The following MYT1L variants were observed in gnomAD, a reference collection of about 807,000 sequenced individuals.
MYT1L encodes the protein myelin transcription factor 1 like, also known as myelin transcription factor 1-like protein.
Under a neutral mutation model 126.7 loss-of-function variants are expected in MYT1L, and 12 were observed. The observed-to-expected ratio is 0.09, with a 90% CI of 0.06 to 0.15. The LOEUF is 0.15. Ranked by LOEUF, MYT1L falls within the 10% of genes least tolerant of loss-of-function variation. The pLI, the probability that MYT1L is intolerant of heterozygous loss-of-function variation, is 1.00. For missense variants in MYT1L, 979 were observed against 1,585.2 expected, an observed-to-expected ratio of 0.62 and a Z score of 6.49; for synonymous variants, 541 against 604.2, an observed-to-expected ratio of 0.90 and a Z score of 1.53.
At chr2:1,837,879 TTC>T (rs759148940) in intron 21 of MYT1L, among the ~76,000 whole-genome samples, 19 of 145,950 alleles carry the variant, frequency 1.3e-4, no homozygotes, top group African/African-American at 2.2e-4. Flanking sequence ...GACATTCAAT[TTC>T]TCTCTCTCTT....
At chr2:2,279,342 T>C (rs2095412652) in intron 2 of MYT1L, among the ~76,000 whole-genome samples, 1 of 149,986 alleles carries the variant, frequency 6.7e-6, no homozygotes, top group South Asian at 2.1e-4. Context: ...CCTTCTTACA[T>C]ATCAAAGAAG....
intron 1 of MYT1L, among the ~76,000 whole-genome samples, chr2:2,300,866 C>T (rs543972422): frequency 1.3e-5 from 2 of 152,268 alleles, no homozygotes; most frequent in Admixed American, 6.5e-5. Context: ...GCTGTGTGCT[C>T]GTCTTCTACT....
intron 1 of MYT1L, among the ~76,000 whole-genome samples, chr2:2,304,355 T>C (rs369828117): frequency 7.9e-5 from 12 of 151,716 alleles, no homozygotes; most frequent in African/African-American, 2.9e-4. Context: ...GCTATTGGGA[T>C]AAGAAGAGGC....
chr2:2,216,029 GTGTC>G (rs917354975), intron 2 of MYT1L, among the ~76,000 whole-genome samples: 118 of 149,158 alleles, frequency 7.9e-4, no homozygotes, highest in African/African-American at 2.7e-3. Flanking sequence ...TCTCTCTTTT[GTGTC>G]TGTCTGTCTG....
At chr2:1,866,487 A>AGGAGAGAGGCAGGCAGAGAGAGAAGG (rs2045493789) in intron 18 of MYT1L, among the ~76,000 whole-genome samples, 4 of 130,018 alleles carry the variant, frequency 3.1e-5, no homozygotes, top group African/African-American at 5.9e-5. Flanking sequence ...GAGAGGTGGG[A>AGGAGAGAGGCAGGCAGAGAGAGAAGG]GGAGAGAGGC....
intron 3 of MYT1L, among the ~76,000 whole-genome samples, chr2:2,169,038 T>C (rs1289127639): frequency 1.3e-5 from 2 of 152,216 alleles, no homozygotes; most frequent in Non-Finnish European, 2.9e-5. Context: ...ACTTATAACA[T>C]GTAATCCTTG....
At chr2:2,319,946 G>A (rs1270674337) in intron 1 of MYT1L, among the ~76,000 whole-genome samples, 1 of 151,974 alleles carries the variant, frequency 6.6e-6, no homozygotes, top group Non-Finnish European at 1.5e-5. Flanking sequence ...CTGACCTTAA[G>A]GGGTCTCGCC....
In MYT1L at chr2:1,910,297, T is replaced by A. The variant is rs770621185; in HGVS notation, c.1760A>T (p.Glu587Val). 5 of 1,613,184 alleles carry A rather than the reference T, an allele frequency of 3.1e-6. No homozygotes were observed. The highest frequency in any genetic ancestry group is 4.2e-6 in the Non-Finnish European group (5 of 1,179,882). ...GGACACGTCGCAGCTCTGGTGCTTT[T>A]CCTGTGCCTTGGCCAGTTTCTCTGC... is the stretch of plus-strand genomic sequence containing the variant. ...AAAEKLAKAQ[E>V]KHQSCDVSKS... The change falls in exon 13 of 25, where the codon GAA (glutamate) becomes GTA (valine). Residue 587 changes from glutamate (E) to valine (V), a missense_variant. By Grantham distance (121) the Glu-to-Val change is moderately radical (BLOSUM62 -2). This residue lies in a region of MYT1L where 82 missense variants were observed against 177.2 expected (regional missense o/e 0.46). Transcript: ENST00000647738. The surrounding 1 kb of genome is among the most constrained non-coding windows in gnomAD (Gnocchi z 4.8).
At chr2:2,257,433 T>C (rs968057020) in intron 2 of MYT1L, among the ~76,000 whole-genome samples, 2 of 152,170 alleles carry the variant, frequency 1.3e-5, no homozygotes, top group African/African-American at 4.8e-5. Context: ...ATCTCAGCAC[T>C]TTGGGAGGCT....
intron 3 of MYT1L, among the ~76,000 whole-genome samples, chr2:2,101,314 T>C (rs529235364): frequency 3.1e-4 from 47 of 152,206 alleles, no homozygotes; most frequent in African/African-American, 1.1e-3. Flanking sequence ...ACCCAGTCCT[T>C]CCTCTCTCAT....
At chr2:2,064,477 T>G (rs2070961054) in intron 3 of MYT1L, among the ~76,000 whole-genome samples, 1 of 152,140 alleles carries the variant, frequency 6.6e-6, no homozygotes, top group South Asian at 2.1e-4. Flanking sequence ...GTAGATACGG[T>G]GTAGGTTTCC....
chr2:2,181,202 G>A (rs754999268), intron 2 of MYT1L, among the ~76,000 whole-genome samples: 18 of 150,810 alleles, frequency 1.2e-4, no homozygotes, highest in African/African-American at 3.2e-4. Context: ...TATGTGTGCC[G>A]TGTACCTGTG....
At position 1,852,404 on chromosome 2, in the gene MYT1L, A is replaced by G. The variant is rs1173272392; in HGVS notation, c.2712-701T>C. The stretch of plus-strand genomic sequence containing the variant: ...GGCTCTGAACAGTTCATGGGGACAT[A>G]CACTCATCTGCTGAAGCCTACCGAG... On this transcript the variant is annotated intron_variant, in intron 18 of 24. Coordinates refer to ENST00000647738, the MANE Select transcript of MYT1L (RefSeq NM_001303052.2). The surrounding 1 kb of genome is among the most constrained non-coding windows in gnomAD (Gnocchi z 4.0). 6.6e-6 allele frequency among the ~76,000 whole-genome samples: 1 copy of G among 152,214 alleles called. No homozygotes were observed. Among genetic ancestry groups the G allele is most frequent in the Admixed American group, 6.5e-5 (1 of 15,286 alleles).
intron 2 of MYT1L, among the ~76,000 whole-genome samples, chr2:2,212,296 A>G (rs1212551280): frequency 6.6e-6 from 1 of 152,180 alleles, no homozygotes; most frequent in Non-Finnish European, 1.5e-5. Flanking sequence ...GAGTTACCCG[A>G]TAATAAAGGA....
intron 2 of MYT1L, among the ~76,000 whole-genome samples, chr2:2,262,550 G>A (rs548187520): frequency 1.8e-4 from 27 of 151,810 alleles, no homozygotes; most frequent in Admixed American, 1.6e-3. Context: ...AAAATTAGCC[G>A]GGCATGGTGG....
intron 23 of MYT1L, among the ~76,000 whole-genome samples, chr2:1,796,736 C>A (rs1008320946): frequency 3.9e-5 from 6 of 152,164 alleles, no homozygotes; most frequent in African/African-American, 1.4e-4. Flanking sequence ...GTTTCCTGTG[C>A]CTGGAGTGCT....
At chr2:1,909,141 A>G (rs542269390) in intron 13 of MYT1L, among the ~76,000 whole-genome samples, 95 of 152,076 alleles carry the variant, frequency 6.2e-4, no homozygotes, top group Non-Finnish European at 1.0e-3. Context: ...TTTTTTTGAG[A>G]CAGGTTCTTG....
At chr2:2,003,175 C>T (rs192699694) in intron 4 of MYT1L, among the ~76,000 whole-genome samples, 28 of 152,230 alleles carry the variant, frequency 1.8e-4, no homozygotes, top group South Asian at 4.1e-4. Flanking sequence ...TAGACTTGCT[C>T]GATTCCCATG....
intron 21 of MYT1L, among the ~76,000 whole-genome samples, chr2:1,817,657 G>T (rs1003857744): frequency 2.0e-5 from 3 of 152,072 alleles, no homozygotes; most frequent in African/African-American, 7.2e-5. Flanking sequence ...GCGCGGCCCT[G>T]GGGGGTGGTG....
Sources: allele counts gnomAD v4.1 joint callset (sites outside exome capture counted in the v4.1 genomes callset), GRCh38; gene constraint gnomAD v4.1.1; regional missense constraint gnomAD v4.1.1; non-coding constraint Gnocchi (gnomAD v3.1); transcripts MANE v1.5; gene names NCBI Gene and HGNC (gene_info 2026-07-23, HGNC 2026-07-21).